Variants in GRID2 observed in about 807,000 individuals in gnomAD.
GRID2 encodes the protein glutamate receptor ionotropic, delta-2.
A neutral mutation model predicts 114.8 loss-of-function variants in GRID2; 33 were observed. The ratio of observed to expected loss-of-function variants is 0.29; its 90% confidence interval spans 0.22 to 0.38. The LOEUF is 0.38. GRID2 is among the 10% of genes least tolerant of loss of function. The pLI is 1.00. For synonymous variants in GRID2, 505 were observed against 449.9 expected (o/e 1.12, Z -1.55); for missense variants, 1,184 against 1,257.7 (o/e 0.94, Z 0.89).
chr4:92,376,099 A>G (rs1729341460), intron 1 of GRID2, among the ~76,000 whole-genome samples: 1 of 151,984 alleles, frequency 6.6e-6, no homozygotes, highest in Non-Finnish European at 1.5e-5. Context: ...AATGGGGAAA[A>G]AATTATATAT....
At chr4:92,942,580 C>A (rs952442036) in intron 2 of GRID2, among the ~76,000 whole-genome samples, 14 of 152,112 alleles carry the variant, frequency 9.2e-5, no homozygotes, top group South Asian at 8.3e-4. Context: ...TTTAAGGTTC[C>A]TATTGTTATG....
Position 92,939,125 on chromosome 4 carries a change from A to C in GRID2, c.245-145870A>C, listed in dbSNP as rs537824232. ...AAATGGTATTTCTAGTTCTAGATCC[A>C]TGAGGAACTGCTACACTGACTTCCA... On this transcript the variant is annotated intron_variant, in intron 2 of 15. Coordinates refer to ENST00000282020, the MANE Select transcript of GRID2 (RefSeq NM_001510.4). Among the ~76,000 whole-genome samples the C allele has an allele frequency of 2.9e-3, 424 of 147,222 alleles. 50 individuals carry two copies. Among genetic ancestry groups the C allele is most frequent in the Admixed American group, 5.9e-3 (81 of 13,704 alleles).
At chr4:92,791,082 C>G (rs1739563929) in intron 2 of GRID2, among the ~76,000 whole-genome samples, 1 of 151,394 alleles carries the variant, frequency 6.6e-6, no homozygotes, top group Non-Finnish European at 1.5e-5. Flanking sequence ...AATGCTGATT[C>G]TCGGTAAATA....
At chr4:92,437,195 T>C (rs1348897447) in intron 1 of GRID2, among the ~76,000 whole-genome samples, 3 of 152,184 alleles carry the variant, frequency 2.0e-5, no homozygotes, top group African/African-American at 4.8e-5. Flanking sequence ...AAATATTCGG[T>C]GCACTGAACT....
intron 4 of GRID2, chr4:93,164,679 A>G: frequency 2.4e-6 from 1 of 420,284 alleles, no homozygotes; most frequent in Non-Finnish European, 4.9e-6. Flanking sequence ...TGAGGAATCT[A>G]GCTTTGGGAG....
At chr4:92,940,920 T>A (rs1284181585) in intron 2 of GRID2, among the ~76,000 whole-genome samples, 2 of 152,112 alleles carry the variant, frequency 1.3e-5, no homozygotes, top group South Asian at 2.1e-4. Flanking sequence ...GATGAAGCCC[T>A]CTTGATCATG....
Position 92,366,926 on chromosome 4 carries a change from TAAAAATGTCTTTTATAG to T in GRID2, c.88+62187_88+62203del, listed in dbSNP as rs1412334401. ...AAAAAATATTTGCAAACCACATACCTAAAAATGTCTTTTATAGAAAAGTAAATAAAAGATCATGGGGA... is the reference window on the plus strand; with the variant it reads ...AAAAAATATTTGCAAACCACATACCTAAAAGTAAATAAAAGATCATGGGGA... On this transcript the variant is annotated intron_variant, in intron 1 of 15. Coordinates refer to ENST00000282020, the MANE Select transcript of GRID2 (RefSeq NM_001510.4). Among the ~76,000 whole-genome samples the T allele has an allele frequency of 1.8e-4, 28 of 152,198 alleles. No homozygotes were observed. The East Asian group carries it at 5.0e-3, about 27-fold the overall frequency.
chr4:92,757,476 C>A (rs999863093), intron 2 of GRID2, among the ~76,000 whole-genome samples: 5 of 152,062 alleles, frequency 3.3e-5, no homozygotes, highest in Admixed American at 3.3e-4. Flanking sequence ...GGCTGCTTTT[C>A]TCCTTGTCTT....
intron 8 of GRID2, among the ~76,000 whole-genome samples, chr4:93,362,832 T>C (rs1761999343): frequency 6.6e-6 from 1 of 152,196 alleles, no homozygotes; most frequent in Non-Finnish European, 1.5e-5. Context: ...TCTCTACTCT[T>C]ATGAGTGTAC....
intron 2 of GRID2, among the ~76,000 whole-genome samples, chr4:92,753,228 C>T (rs964626874): frequency 1.3e-5 from 2 of 152,064 alleles, no homozygotes; most frequent in Non-Finnish European, 2.9e-5. Context: ...AGTCCTTGGC[C>T]TGGTTTTATT....
rs914650434 is a variant in GRID2, at chr4:93,517,078, G to T, written c.2193+1667G>T. Among the ~76,000 whole-genome samples, 7 of 152,100 alleles carry T rather than the reference G, an allele frequency of 4.6e-5. No homozygotes were observed. The East Asian group carries it at 1.4e-3, about 29-fold the overall frequency. ...TAGCTACTCAAAATCTCTGGGCCTTGAGAGTTGCATCATGAAGATAAGAAT... is the reference window on the plus strand; with the variant it reads ...TAGCTACTCAAAATCTCTGGGCCTTTAGAGTTGCATCATGAAGATAAGAAT... On this transcript the variant is annotated intron_variant, in intron 13 of 15. Coordinates refer to ENST00000282020, the MANE Select transcript of GRID2 (RefSeq NM_001510.4).
chr4:92,804,530 T>C (rs1416437294), intron 2 of GRID2, among the ~76,000 whole-genome samples: 2 of 152,036 alleles, frequency 1.3e-5, no homozygotes, highest in African/African-American at 4.8e-5. Context: ...TGTACAGATA[T>C]ATACTCAGTC....
chr4:92,572,075 A>G (rs561004294), intron 1 of GRID2, among the ~76,000 whole-genome samples: 1 of 152,308 alleles, frequency 6.6e-6, no homozygotes, highest in African/African-American at 2.4e-5. Context: ...AAACCCTTCA[A>G]AAAATTAATG....
intron 1 of GRID2, among the ~76,000 whole-genome samples, chr4:92,393,518 G>C (rs28629188): frequency 0.031 from 4,699 of 152,150 alleles, 240 homozygotes; most frequent in African/African-American, 0.11. Flanking sequence ...TAGAAATCTA[G>C]AATAGTCTTA....
intron 1 of GRID2, among the ~76,000 whole-genome samples, chr4:92,539,057 A>T (rs980180451): frequency 9.1e-5 from 11 of 120,994 alleles, no homozygotes; most frequent in African/African-American, 3.6e-4. Flanking sequence ...AAAAAAAAAA[A>T]AGTGTCTAAT....
intron 14 of GRID2, among the ~76,000 whole-genome samples, chr4:93,675,046 C>T (rs931177321): frequency 5.3e-5 from 8 of 152,018 alleles, no homozygotes; most frequent in African/African-American, 1.7e-4. Context: ...TTATGACCAA[C>T]CAAAAATGGT....
At chr4:92,765,233 T>C (rs1738203373) in intron 2 of GRID2, among the ~76,000 whole-genome samples, 1 of 152,322 alleles carries the variant, frequency 6.6e-6, no homozygotes, top group Admixed American at 6.5e-5. Flanking sequence ...ACATTTTTAA[T>C]TCTTTAGAAA....
intron 4 of GRID2, among the ~76,000 whole-genome samples, chr4:93,206,151 C>A (rs888068668): frequency 6.6e-6 from 1 of 152,000 alleles, no homozygotes; most frequent in Non-Finnish European, 1.5e-5. Flanking sequence ...TGATCATGTA[C>A]TATCTCTACA....
intron 2 of GRID2, among the ~76,000 whole-genome samples, chr4:92,832,948 A>T (rs4235037): frequency 0.98 from 148,608 of 152,270 alleles, 72,541 homozygotes; most frequent in East Asian, 1. Flanking sequence ...CATAGGGAAA[A>T]GTCAGTATAA....
Sources: gnomAD v4.1 joint callset for allele counts (sites outside exome capture counted in the v4.1 genomes callset) on GRCh38, gnomAD v4.1.1 for gene constraint, MANE v1.5 for transcripts, NCBI Gene and HGNC (gene_info 2026-07-23, HGNC 2026-07-21) for gene names.